ZFPM2: variants seen among roughly 807,000 people sequenced by gnomAD.
ZFPM2 encodes zinc finger protein ZFPM2.
ZFPM2 carries 20 observed loss-of-function variants against 98.6 expected under a neutral mutation model. That is an observed-to-expected ratio of 0.20 (90% confidence interval 0.14 to 0.29). The LOEUF (loss-of-function observed/expected upper bound fraction) is 0.29, where lower values mean the gene tolerates loss of function less well. ZFPM2 is among the 10% of genes least tolerant of loss of function. The pLI, the probability that ZFPM2 is intolerant of heterozygous loss-of-function variation, is 1.00. For missense variants in ZFPM2, 1,310 were observed against 1,388.6 expected (o/e 0.94, Z 0.90); for synonymous variants, 518 against 502.7 (o/e 1.03, Z -0.41).
Position 105,647,022 on chromosome 8 carries a change from G to A in ZFPM2, c.532+12665G>A, listed in dbSNP as rs1460727051. The stretch of plus-strand genomic sequence containing the variant: ...AGGGAAACAGCTTCGTCCTCAGAAT[G>A]CCTGTCCAAGTTTTAGCTCCACTGC... On this transcript the variant is annotated intron_variant, in intron 5 of 7. Transcript: ENST00000407775. Among the ~76,000 whole-genome samples, 5 of 152,132 alleles carry A rather than the reference G, an allele frequency of 3.3e-5. No individual in the cohort carries two copies. The South Asian group carries it at 1.0e-3, about 31-fold the overall frequency.
chr8:105,479,118 C>T (rs928067395), intron 3 of ZFPM2, among the ~76,000 whole-genome samples: 15 of 152,066 alleles, frequency 9.9e-5, no homozygotes, highest in African/African-American at 3.1e-4. Context: ...TCTTAGCTGA[C>T]GATGGTAAAG....
intron 4 of ZFPM2, among the ~76,000 whole-genome samples, chr8:105,618,266 A>G (rs1816461546): frequency 6.6e-6 from 1 of 152,166 alleles, no homozygotes; most frequent in African/African-American, 2.4e-5. Flanking sequence ...AGAAAGAATT[A>G]TGTTTCTTAT....
intron 5 of ZFPM2, among the ~76,000 whole-genome samples, chr8:105,636,214 A>G (rs368387478): frequency 5.1e-4 from 77 of 152,302 alleles, no homozygotes; most frequent in Middle Eastern, 3.4e-3. Flanking sequence ...GTGAACCTGT[A>G]TAACAGAATT....
At chr8:105,778,493 T>TGA (rs1813159975) in intron 5 of ZFPM2, among the ~76,000 whole-genome samples, 1 of 151,522 alleles carries the variant, frequency 6.6e-6, no homozygotes, top group African/African-American at 2.4e-5. Context: ...TGCATGCGTG[T>TGA]GTGTGTGTGT....
At chr8:105,567,214 C>G (rs1460464453) in intron 4 of ZFPM2, among the ~76,000 whole-genome samples, 1 of 152,158 alleles carries the variant, frequency 6.6e-6, no homozygotes, top group Non-Finnish European at 1.5e-5. Context: ...CTACCTATGT[C>G]TCCAGCATTC....
intron 3 of ZFPM2, among the ~76,000 whole-genome samples, chr8:105,476,998 T>C (rs1440519830): frequency 6.6e-6 from 1 of 152,144 alleles, no homozygotes; most frequent in Admixed American, 6.5e-5. Flanking sequence ...TGGTGTTTCA[T>C]CTTTATTTGT....
At chr8:105,476,464 C>T (rs1813014288) in intron 3 of ZFPM2, among the ~76,000 whole-genome samples, 1 of 152,092 alleles carries the variant, frequency 6.6e-6, no homozygotes, top group Non-Finnish European at 1.5e-5. Flanking sequence ...ACCATCCCCA[C>T]CCCTCCCCAG....
rs114489436 is a variant in ZFPM2 at position 105,576,415 on chromosome 8, T to A, written c.420+14934T>A. 9.8e-3 allele frequency among the ~76,000 whole-genome samples: 1,485 copies of A among 152,264 alleles called. 27 individuals are homozygous for A. The highest frequency in any genetic ancestry group is 0.034 in the African/African-American group (1,425 of 41,542). On this transcript the variant is annotated intron_variant, in intron 4 of 7. Transcript: ENST00000407775. ...CATACCATGGATAGTCCAGTGCTTATCTAGAAAAACTTAGCTGCTTGGAGG... is the reference window on the plus strand; with the variant it reads ...CATACCATGGATAGTCCAGTGCTTAACTAGAAAAACTTAGCTGCTTGGAGG...
chr8:105,556,049 G>C (rs1814982176), intron 3 of ZFPM2, among the ~76,000 whole-genome samples: 1 of 152,138 alleles, frequency 6.6e-6, no homozygotes, highest in African/African-American at 2.4e-5. Context: ...ATTTGGGATG[G>C]CCAAGAAGTA....
chr8:105,566,053 C>G (rs1293395619), intron 4 of ZFPM2, among the ~76,000 whole-genome samples: 1 of 152,106 alleles, frequency 6.6e-6, no homozygotes, highest in Non-Finnish European at 1.5e-5. Flanking sequence ...TGCAGGGAGG[C>G]CAGTCTTTTT....
chr8:105,776,127 C>T (rs1475871932), intron 5 of ZFPM2, among the ~76,000 whole-genome samples: 6 of 151,626 alleles, frequency 4.0e-5, no homozygotes, highest in African/African-American at 7.3e-5. Context: ...ATACAAGCCA[C>T]GAAGCAAAAC....
intron 3 of ZFPM2, among the ~76,000 whole-genome samples, chr8:105,499,811 G>A (rs1204244918): frequency 6.6e-6 from 1 of 152,138 alleles, no homozygotes; most frequent in Non-Finnish European, 1.5e-5. Context: ...CTTTTTGTAG[G>A]GGCAGAGGTG....
intron 2 of ZFPM2, among the ~76,000 whole-genome samples, chr8:105,434,101 G>A (rs1275377762): frequency 1.3e-5 from 2 of 152,096 alleles, no homozygotes; most frequent in African/African-American, 4.8e-5. Context: ...TTATACATAA[G>A]TAGTAAGTCA....
At position 105,591,994 on chromosome 8, in the gene ZFPM2, A is replaced by T. The variant is rs1815855651; in HGVS notation, c.420+30513A>T. 2.6e-5 allele frequency among the ~76,000 whole-genome samples: 4 copies of T among 152,216 alleles called. No individual in the cohort carries two copies. In the South Asian group the frequency reaches 8.3e-4, roughly 31 times the overall value. ...GTAAACATTTTCATTCTGTTCTCAA[A>T]ACACAAGCAGCTTAGGGTTAATATT... On this transcript the variant is annotated intron_variant, in intron 4 of 7. Coordinates refer to ENST00000407775, the MANE Select transcript of ZFPM2 (RefSeq NM_012082.4).
At chr8:105,420,304 G>A (rs1233231331) in intron 2 of ZFPM2, among the ~76,000 whole-genome samples, 2 of 151,930 alleles carry the variant, frequency 1.3e-5, no homozygotes, top group African/African-American at 4.8e-5. Context: ...TCAAAAAAAT[G>A]TCAATTCACA....
intron 1 of ZFPM2, among the ~76,000 whole-genome samples, chr8:105,392,802 T>G (rs1204473039): frequency 9.2e-5 from 14 of 152,222 alleles, no homozygotes; most frequent in Admixed American, 9.2e-4. Flanking sequence ...TTCACCCCTT[T>G]GAACTTCATT....
At chr8:105,769,704 C>T (rs1812940977) in intron 5 of ZFPM2, among the ~76,000 whole-genome samples, 1 of 151,992 alleles carries the variant, frequency 6.6e-6, no homozygotes, top group South Asian at 2.1e-4. Flanking sequence ...GCTTATAAAA[C>T]ATAACCACAA....
intron 4 of ZFPM2, among the ~76,000 whole-genome samples, chr8:105,610,266 G>A (rs1271858037): frequency 6.6e-6 from 1 of 152,074 alleles, no homozygotes; most frequent in Non-Finnish European, 1.5e-5. Flanking sequence ...TACCTACCTT[G>A]ATTGCTGGAT....
At position 105,647,141 on chromosome 8, in the gene ZFPM2, C is replaced by T. The variant is rs562770599; in HGVS notation, c.532+12784C>T. Among the ~76,000 whole-genome samples the T allele has an allele frequency of 1.6e-4, 24 of 152,276 alleles. 2 individuals carry two copies. The South Asian group carries it at 4.8e-3, about 30-fold the overall frequency. On this transcript the variant is annotated intron_variant, in intron 5 of 7. Transcript: ENST00000407775. ...CTGCCTGCTTCTTGTTGGCCTGCAG[C>T]TCTTCAAGTACTTAGATTTCAGCTT...
Sources: gnomAD v4.1 joint callset for allele counts (sites outside exome capture counted in the v4.1 genomes callset) on GRCh38, gnomAD v4.1.1 for gene constraint, MANE v1.5 for transcripts, NCBI Gene and HGNC (gene_info 2026-07-23, HGNC 2026-07-21) for gene names.